The following KHDRBS2 variants were observed in gnomAD, a reference collection of about 807,000 sequenced individuals.
KHDRBS2 encodes the protein KH RNA binding domain containing, signal transduction associated 2.
KHDRBS2 carries 26 observed loss-of-function variants against 44.3 expected under a neutral mutation model. The observed-to-expected ratio is 0.59, with a 90% confidence interval of 0.43 to 0.81. KHDRBS2 has a LOEUF of 0.81. Among genes scored for constraint, KHDRBS2 ranks in the 40% least tolerant of loss-of-function variants. The pLI is 0.00. For missense variants in KHDRBS2, 476 were observed against 433.1 expected (o/e 1.10, Z -0.88); for synonymous variants, 194 against 151.1 (o/e 1.28, Z -2.08).
chr6:62,155,507 T>C (rs1816159086), intron 2 of KHDRBS2, among the ~76,000 whole-genome samples: 1 of 152,134 alleles, frequency 6.6e-6, no homozygotes, highest in Admixed American at 6.5e-5. Context: ...TTGCCTGGGA[T>C]TGGTACAGAC....
intron 7 of KHDRBS2, among the ~76,000 whole-genome samples, chr6:61,731,556 T>A (rs1017383649): frequency 6.6e-6 from 1 of 152,088 alleles, no homozygotes; most frequent in African/African-American, 2.4e-5. Context: ...CCACAATACA[T>A]GTAGATTTAT....
the KHDRBS2 span, among the ~76,000 whole-genome samples, chr6:61,568,600 G>A: frequency 1.4e-5 from 2 of 144,980 alleles, no homozygotes; most frequent in Non-Finnish European, 3.0e-5. Flanking sequence ...CAAAATGTGA[G>A]AGTGGGAAAC....
At chr6:61,869,985 T>TC (rs926588582) in intron 6 of KHDRBS2, among the ~76,000 whole-genome samples, 2 of 149,498 alleles carry the variant, frequency 1.3e-5, no homozygotes. Flanking sequence ...TTTTTTTTTT[T>TC]TTCCCCATAC....
In KHDRBS2 at chr6:61,984,193, C is replaced by G. The variant is rs1412659840; in HGVS notation, c.337-5981G>C. On this transcript the variant is annotated intron_variant, in intron 3 of 8. Coordinates refer to ENST00000281156, the MANE Select transcript of KHDRBS2 (RefSeq NM_152688.4). ...CTGTTCTCACTTAAGATACTTAGAG[C>G]TCAACATCAAGAACTCTTCTCAGTG... 2.6e-5 allele frequency among the ~76,000 whole-genome samples: 4 copies of G among 152,162 alleles called. No individual in the cohort carries two copies. The East Asian group carries it at 7.7e-4, about 29-fold the overall frequency.
chr6:61,732,014 C>G (rs1409438860), intron 7 of KHDRBS2, among the ~76,000 whole-genome samples: 4 of 152,030 alleles, frequency 2.6e-5, no homozygotes, highest in Non-Finnish European at 5.9e-5. Flanking sequence ...CATGAAGAAG[C>G]ATTTTTGGAT....
At position 61,797,723 on chromosome 6, in the gene KHDRBS2, TTTTGTGTGTGTG is replaced by T. The variant is rs1371291583; in HGVS notation, c.811-64971_811-64960del. On this transcript the variant is annotated intron_variant, in intron 6 of 8. Transcript: ENST00000281156. ...TAACTGATACTGTGTCAGTATGGTG[TTTTGTGTGTGTG>T]TGTGTGTGTGTGTGTGTGTGTGTGT... Among the ~76,000 whole-genome samples, 169 of 130,336 alleles carry T rather than the reference TTTTGTGTGTGTG, an allele frequency of 1.3e-3. 2 individuals carry two copies. In the South Asian group the frequency reaches 0.021, roughly 16 times the overall value. The allele number at this position is 130,336 out of a possible 152,430, so 85.5% of individuals were successfully genotyped here.
chr6:62,023,706 G>T (rs1028584024), intron 3 of KHDRBS2, among the ~76,000 whole-genome samples: 1 of 151,170 alleles, frequency 6.6e-6, no homozygotes, highest in Non-Finnish European at 1.5e-5. Context: ...ATAACACTTT[G>T]CATCATCATG....
intron 2 of KHDRBS2, among the ~76,000 whole-genome samples, chr6:62,131,910 G>C (rs1232955991): frequency 4.6e-5 from 7 of 152,144 alleles, no homozygotes; most frequent in Non-Finnish European, 1.0e-4. Flanking sequence ...TATGTGAAAG[G>C]TTCTAACAAT....
At chr6:61,689,292 TA>T (rs1300537925) in intron 8 of KHDRBS2, among the ~76,000 whole-genome samples, 1 of 151,988 alleles carries the variant, frequency 6.6e-6, no homozygotes, top group African/African-American at 2.4e-5. Context: ...GATAAAACTA[TA>T]ATCATAAGTA....
At chr6:61,578,442 A>C in the KHDRBS2 span, among the ~76,000 whole-genome samples, 82 of 152,308 alleles carry the variant, frequency 5.4e-4, no homozygotes, top group Non-Finnish European at 9.3e-4. Context: ...ACTTTTATAG[A>C]ATGAATTTTG....
At chr6:61,593,856 A>G in the KHDRBS2 span, among the ~76,000 whole-genome samples, 1 of 152,066 alleles carries the variant, frequency 6.6e-6, no homozygotes, top group Admixed American at 6.6e-5. Context: ...TATGTAAAGG[A>G]ACTATATAGA....
the KHDRBS2 span, among the ~76,000 whole-genome samples, chr6:61,664,082 G>A: frequency 6.6e-6 from 1 of 151,688 alleles, no homozygotes; most frequent in Admixed American, 6.6e-5. Flanking sequence ...ATACCAGAAA[G>A]GCTTAACCTT....
rs1222691462 is a variant in KHDRBS2 at position 62,000,129 on chromosome 6, G to T, written c.337-21917C>A. 2.0e-5 allele frequency among the ~76,000 whole-genome samples: 3 copies of T among 152,138 alleles called. No individual in the cohort carries two copies. The East Asian group carries it at 5.8e-4, about 29-fold the overall frequency. On this transcript the variant is annotated intron_variant, in intron 3 of 8. Transcript: ENST00000281156. ...GACTACCACAATTGTGTGAGTGTGT[G>T]TGTGTGTGTGTATGCACATGCACAC...
chr6:61,848,555 A>ATG, intron 6 of KHDRBS2, among the ~76,000 whole-genome samples: 1 of 32,968 alleles, frequency 3.0e-5, no homozygotes, highest in Non-Finnish European at 5.4e-5. Flanking sequence ...ATATATACAT[A>ATG]TATATATGTA....
chr6:62,018,967 T>G (rs1315179934), intron 3 of KHDRBS2, among the ~76,000 whole-genome samples: 1 of 152,082 alleles, frequency 6.6e-6, no homozygotes, highest in Admixed American at 6.6e-5. Flanking sequence ...TTTTTAAAAT[T>G]GAAAAGAATT....
chr6:61,872,562 A>G (rs1162643566), intron 6 of KHDRBS2, among the ~76,000 whole-genome samples: 2 of 152,164 alleles, frequency 1.3e-5, no homozygotes, highest in Non-Finnish European at 2.9e-5. Context: ...AAAAGATGTG[A>G]AAGGTATGTA....
At chr6:62,099,197 CT>C (rs1801311573) in intron 2 of KHDRBS2, among the ~76,000 whole-genome samples, 1 of 152,116 alleles carries the variant, frequency 6.6e-6, no homozygotes. Context: ...GTTCTTAATG[CT>C]TATGAGTATA....
chr6:62,183,066 C>T (rs955876998), intron 1 of KHDRBS2, among the ~76,000 whole-genome samples: 7 of 151,654 alleles, frequency 4.6e-5, no homozygotes, highest in African/African-American at 1.7e-4. Context: ...TTTATCGGAC[C>T]TCAAAATAGA....
chr6:61,885,387 A>G (rs1246885066), intron 6 of KHDRBS2, among the ~76,000 whole-genome samples: 1 of 152,144 alleles, frequency 6.6e-6, no homozygotes, highest in Non-Finnish European at 1.5e-5. Context: ...GCTGAATGAT[A>G]TGAAAGAGTT....
Sources: gnomAD v4.1 joint callset for allele counts (sites outside exome capture counted in the v4.1 genomes callset) on GRCh38, gnomAD v4.1.1 for gene constraint, MANE v1.5 for transcripts, NCBI Gene and HGNC (gene_info 2026-07-23, HGNC 2026-07-21) for gene names.